IQCJ: variants seen among roughly 807,000 people sequenced by gnomAD.
IQCJ encodes the protein IQ motif containing J, also known as IQ domain-containing protein J.
IQCJ carries 9 observed loss-of-function variants against 11.0 expected under a neutral mutation model. That is an observed-to-expected ratio of 0.82 (90% CI 0.49 to 1.43). The LOEUF is 1.43. IQCJ is among the 40% of genes most tolerant of loss of function. The pLI is 0.00. For missense variants in IQCJ, 146 were observed against 133.2 expected (o/e 1.10, Z -0.47); for synonymous variants, 55 against 51.3 (o/e 1.07, Z -0.31).
chr3:159,241,480 G>A (rs1726921821), intron 1 of IQCJ, among the ~76,000 whole-genome samples: 1 of 152,132 alleles, frequency 6.6e-6, no homozygotes, highest in Non-Finnish European at 1.5e-5. Flanking sequence ...CAATGTGCTG[G>A]TTTCAAGCTC....
chr3:159,190,958 A>G (rs1723652568), intron 1 of IQCJ, among the ~76,000 whole-genome samples: 1 of 152,202 alleles, frequency 6.6e-6, no homozygotes, highest in Non-Finnish European at 1.5e-5. Context: ...GCTTAACACA[A>G]TAAATATCTA....
chr3:159,242,428 C>T lies in IQCJ; in HGVS notation c.10-3415C>T, dbSNP rs577810043. 2.2e-4 allele frequency among the ~76,000 whole-genome samples: 33 copies of T among 152,228 alleles called. No individual in the cohort carries two copies. The Middle Eastern group carries it at 0.01, about 47-fold the overall frequency. ...GTTTCATCAGGGTCCCAGGTACCTT[C>T]GGTCTTTCTATTTTATTATCTTTAA... is the stretch of plus-strand genomic sequence containing the variant. On this transcript the variant is annotated intron_variant, in intron 1 of 3. Coordinates refer to ENST00000397832, the MANE Select transcript of IQCJ (RefSeq NM_001042706.3).
intron 1 of IQCJ, among the ~76,000 whole-genome samples, chr3:159,241,287 T>A (rs1348381595): frequency 6.6e-6 from 1 of 151,950 alleles, no homozygotes; most frequent in African/African-American, 2.4e-5. Flanking sequence ...TGGGTGCCTG[T>A]AATCCCAGCT....
At position 159,263,240 on chromosome 3, in the gene IQCJ, T is replaced by C. The variant is rs1446153479; in HGVS notation, c.*509T>C. 3.1e-6 allele frequency: 1 copy of C among 322,206 alleles called. No homozygotes were observed. Among genetic ancestry groups the C allele is most frequent in the Non-Finnish European group, 4.5e-6 (1 of 223,748 alleles). 20.0% of individuals were successfully genotyped at this position (322,206 alleles called of 1,614,324 possible). ...CTTGGCTCCTGACAATGTGACACCATGTGGCGATACAGGCAGGCATGGCCA... is the reference window on the plus strand; with the variant it reads ...CTTGGCTCCTGACAATGTGACACCACGTGGCGATACAGGCAGGCATGGCCA... On this transcript the variant is annotated 3_prime_UTR_variant, in exon 4 of 4. Transcript: ENST00000397832.
chr3:159,241,664 A>G (rs1199565433), intron 1 of IQCJ, among the ~76,000 whole-genome samples: 2 of 152,224 alleles, frequency 1.3e-5, no homozygotes, highest in African/African-American at 4.8e-5. Context: ...CTAACACTCC[A>G]GAATCCAGAG....
chr3:159,116,617 T>C (rs1719020550), intron 1 of IQCJ, among the ~76,000 whole-genome samples: 1 of 5,996 alleles, frequency 1.7e-4, no homozygotes, highest in Non-Finnish European at 3.6e-4. Flanking sequence ...CTCATATGTA[T>C]ATATATATAT....
chr3:159,183,408 C>T (rs1723204223), intron 1 of IQCJ, among the ~76,000 whole-genome samples: 3 of 151,940 alleles, frequency 2.0e-5, no homozygotes, highest in Admixed American at 2.0e-4. Flanking sequence ...TTCTTCATGC[C>T]CTCTCTATAC....
chr3:159,157,809 G>A (rs978312866), intron 1 of IQCJ, among the ~76,000 whole-genome samples: 4 of 152,070 alleles, frequency 2.6e-5, no homozygotes, highest in African/African-American at 4.8e-5. Flanking sequence ...TGCATACTAC[G>A]CCTACATTAT....
chr3:159,196,817 TAGGATTCGAACCTAGGCATTC>T (rs1175774983), intron 1 of IQCJ, among the ~76,000 whole-genome samples: 1 of 152,202 alleles, frequency 6.6e-6, no homozygotes, highest in Non-Finnish European at 1.5e-5. Flanking sequence ...CTAGCAGAGC[TAGGATTCGAACCTAGGCATTC>T]TGATTCTAGT....
chr3:159,197,953 C>G (rs1724087194), intron 1 of IQCJ, among the ~76,000 whole-genome samples: 1 of 152,090 alleles, frequency 6.6e-6, no homozygotes, highest in Admixed American at 6.5e-5. Flanking sequence ...CAAACCATGC[C>G]CATGGGCTGA....
chr3:159,260,237 T>C (rs1042495339), intron 3 of IQCJ, among the ~76,000 whole-genome samples: 1 of 152,194 alleles, frequency 6.6e-6, no homozygotes, highest in Non-Finnish European at 1.5e-5. Flanking sequence ...TTTGGTTCTT[T>C]AGAGGTGTCA....
chr3:159,140,866 C>T (rs1720563351), intron 1 of IQCJ, among the ~76,000 whole-genome samples: 1 of 152,230 alleles, frequency 6.6e-6, no homozygotes, highest in African/African-American at 2.4e-5. Flanking sequence ...GCATGCTACG[C>T]ACCCAGTGGG....
chr3:159,137,208 G>A (rs1720340480), intron 1 of IQCJ, among the ~76,000 whole-genome samples: 2 of 151,186 alleles, frequency 1.3e-5, no homozygotes, highest in African/African-American at 2.4e-5. Flanking sequence ...GTTTCAGTGA[G>A]CAAAGATTGT....
chr3:159,225,643 T>C (rs1725813865), intron 1 of IQCJ, among the ~76,000 whole-genome samples: 1 of 152,116 alleles, frequency 6.6e-6, no homozygotes, highest in Admixed American at 6.5e-5. Flanking sequence ...GTCACAACAC[T>C]TCTGACACCA....
Position 159,262,766 on chromosome 3 carries a change from G to A in IQCJ, c.*35G>A. 1 of 1,597,372 alleles carries A rather than the reference G, an allele frequency of 6.3e-7. No homozygotes were observed. The highest frequency in any genetic ancestry group is 1.3e-5 in the African/African-American group (1 of 74,642). ...CTTTGGTTCTAAGAGAGAAATCTTG[G>A]GATGTGAGCAGGTGGTTTGTGACAG... On this transcript the variant is annotated 3_prime_UTR_variant, in exon 4 of 4. Transcript: ENST00000397832.
At chr3:159,086,198 C>G (rs1295824600) in intron 1 of IQCJ, among the ~76,000 whole-genome samples, 3 of 152,048 alleles carry the variant, frequency 2.0e-5, no homozygotes, top group African/African-American at 7.2e-5. Flanking sequence ...GCTTGTTTTT[C>G]TCAGGTTTGT....
intron 1 of IQCJ, among the ~76,000 whole-genome samples, chr3:159,085,598 A>G (rs1020331772): frequency 2.1e-5 from 3 of 146,338 alleles, no homozygotes; most frequent in African/African-American, 7.6e-5. Flanking sequence ...TGACTTTTTA[A>G]TGATTGCCAT....
At chr3:159,142,684 C>T (rs1440011775) in intron 1 of IQCJ, among the ~76,000 whole-genome samples, 1 of 152,100 alleles carries the variant, frequency 6.6e-6, no homozygotes, top group African/African-American at 2.4e-5. Context: ...TCCCAAAGTG[C>T]TGGAATTACA....
intron 1 of IQCJ, among the ~76,000 whole-genome samples, chr3:159,122,925 G>T (rs1405930049): frequency 2.6e-5 from 4 of 152,070 alleles, no homozygotes; most frequent in East Asian, 1.9e-4. Flanking sequence ...AATTACTACC[G>T]AGATGAATGG....
Sources: allele counts gnomAD v4.1 joint callset (sites outside exome capture counted in the v4.1 genomes callset), GRCh38; gene constraint gnomAD v4.1.1; transcripts MANE v1.5; gene names NCBI Gene and HGNC (gene_info 2026-07-23, HGNC 2026-07-21).